The following TAB2 variants were observed in gnomAD, a reference collection of about 807,000 sequenced individuals.
TAB2 encodes the protein TGF-beta activated kinase 1 (MAP3K7) binding protein 2, also known as TGF-beta-activated kinase 1 and MAP3K7-binding protein 2.
A neutral mutation model predicts 65.0 loss-of-function variants in TAB2; 3 were observed. The observed-to-expected ratio is 0.05, with a 90% CI of 0.02 to 0.12. TAB2 has a LOEUF of 0.12. TAB2 is among the 10% of genes least tolerant of loss of function. TAB2 has a pLI of 1.00. For missense variants in TAB2, 623 were observed against 840.3 expected, an observed-to-expected ratio of 0.74 and a Z score of 3.20; for synonymous variants, 298 against 285.1, an observed-to-expected ratio of 1.05 and a Z score of -0.46.
chr6:149,229,806 T>A (rs898826252), intron 1 of TAB2: 13 of 152,222 alleles, frequency 8.5e-5, no homozygotes, highest in Non-Finnish European at 1.8e-4. Flanking sequence ...TTGACTCCAA[T>A]GGTGCCCTTG....
intron 1 of TAB2, among the ~76,000 whole-genome samples, chr6:149,323,229 A>G (rs563151932): frequency 4.6e-5 from 7 of 152,266 alleles, no homozygotes; most frequent in Non-Finnish European, 8.8e-5. Context: ...CTTAAATGCT[A>G]TTTTGTGAAT....
intron 1 of TAB2, among the ~76,000 whole-genome samples, chr6:149,262,572 G>A (rs1336293668): frequency 6.6e-6 from 1 of 151,846 alleles, no homozygotes; most frequent in East Asian, 1.9e-4. Context: ...GTTGTCACCT[G>A]GCAAAATAAA....
intron 3 of TAB2, among the ~76,000 whole-genome samples, chr6:149,384,824 A>T (rs1375054664): frequency 6.6e-6 from 1 of 152,194 alleles, no homozygotes; most frequent in African/African-American, 2.4e-5. Context: ...GGTGGAGAGA[A>T]AAAGGCCTAC....
intron 4 of TAB2, 22 bp from the exon 5 acceptor site, chr6:149,397,947 C>CTAT (rs1782231921): frequency 6.2e-7 from 1 of 1,607,108 alleles, no homozygotes; most frequent in African/African-American, 1.3e-5. Flanking sequence ...GCAAATCTTA[C>CTAT]TTACATAGAA....
intron 1 of TAB2, among the ~76,000 whole-genome samples, chr6:149,232,803 G>C (rs896823165): frequency 3.3e-5 from 5 of 152,180 alleles, no homozygotes; most frequent in African/African-American, 1.2e-4. Flanking sequence ...GCTTGGAGAA[G>C]TAGGCTCCAA....
intron 2 of TAB2, among the ~76,000 whole-genome samples, chr6:149,377,212 AGGC>A (rs1781432002): frequency 6.6e-6 from 1 of 151,408 alleles, no homozygotes; most frequent in Non-Finnish European, 1.5e-5. Flanking sequence ...CTGGGACTAC[AGGC>A]GCCCGCCACC....
At chr6:149,382,611 T>A (rs1274575378) in intron 3 of TAB2, among the ~76,000 whole-genome samples, 1 of 151,514 alleles carries the variant, frequency 6.6e-6, no homozygotes, top group African/African-American at 2.4e-5. Flanking sequence ...AAAAAAAAAA[T>A]TCTAACTAGG....
chr6:149,237,103 A>T (rs1777509547), intron 1 of TAB2, among the ~76,000 whole-genome samples: 1 of 152,208 alleles, frequency 6.6e-6, no homozygotes, highest in South Asian at 2.1e-4. Context: ...GAGCATAAAG[A>T]ATTCCTTGGA....
chr6:149,396,041 G>A (rs1020225252), intron 3 of TAB2, among the ~76,000 whole-genome samples: 2 of 151,730 alleles, frequency 1.3e-5, no homozygotes, highest in African/African-American at 4.8e-5. Flanking sequence ...CCCCCGAGTT[G>A]GAGTCTCACT....
intron 2 of TAB2, among the ~76,000 whole-genome samples, chr6:149,374,499 G>T (rs184219942): frequency 1.3e-5 from 2 of 152,314 alleles, no homozygotes; most frequent in African/African-American, 4.8e-5. Context: ...TGGGATTACA[G>T]GGGTGAGCCA....
chr6:149,234,000 T>C (rs1777451054), intron 1 of TAB2, among the ~76,000 whole-genome samples: 1 of 152,232 alleles, frequency 6.6e-6, no homozygotes, highest in African/African-American at 2.4e-5. Flanking sequence ...TCCTATGAAG[T>C]TCCAACAGTA....
chr6:149,407,725 A>G (rs573614017), intron 6 of TAB2, among the ~76,000 whole-genome samples: 1 of 152,118 alleles, frequency 6.6e-6, no homozygotes, highest in South Asian at 2.1e-4. Context: ...TTTGTGATCT[A>G]ATTTCCTCTT....
At position 149,335,571 on chromosome 6, in the gene TAB2, G is replaced by A. The variant is rs571577164; in HGVS notation, c.-90+17556G>A. ...TAACTTTTTGTAGAGGCAGGGTTTT[G>A]CTGTATTGCACAGGCTAGTCTCAAA... On this transcript the variant is annotated intron_variant, in intron 1 of 6. Coordinates refer to ENST00000637181, the MANE Select transcript of TAB2 (RefSeq NM_001292034.3). Among the ~76,000 whole-genome samples the A allele has an allele frequency of 3.4e-3, 510 of 151,972 alleles. 2 individuals carry two copies. Among genetic ancestry groups the A allele is most frequent in the African/African-American group, 0.012 (484 of 41,448 alleles).
intron 1 of TAB2, among the ~76,000 whole-genome samples, chr6:149,306,574 C>CAAA (rs1188296574): frequency 4.9e-4 from 66 of 133,814 alleles, no homozygotes; most frequent in African/African-American, 1.9e-3. Context: ...AAAAAAAAAA[C>CAAA]AAAAAACAAA....
intron 3 of TAB2, 23 bp from the exon 4 acceptor site, chr6:149,397,581 A>G: frequency 6.2e-7 from 1 of 1,613,668 alleles, no homozygotes; most frequent in Non-Finnish European, 8.5e-7. Context: ...GTGGGTCCTC[A>G]TGTTTACTAA....
At chr6:149,222,468 A>C (rs1777168813) in intron 1 of TAB2, among the ~76,000 whole-genome samples, 1 of 151,964 alleles carries the variant, frequency 6.6e-6, no homozygotes, top group Non-Finnish European at 1.5e-5. Flanking sequence ...AAATATAAAA[A>C]TTAGCGAGGC....
At chr6:149,404,187 T>C (rs1436625931) in intron 6 of TAB2, among the ~76,000 whole-genome samples, 1 of 151,894 alleles carries the variant, frequency 6.6e-6, no homozygotes, top group South Asian at 2.1e-4. Context: ...CAAGGAACTA[T>C]CAAAAAAGGA....
intron 3 of TAB2, among the ~76,000 whole-genome samples, chr6:149,388,238 T>C (rs1284662229): frequency 6.6e-6 from 1 of 152,222 alleles, no homozygotes; most frequent in Admixed American, 6.5e-5. Flanking sequence ...TCCATCTCTG[T>C]GCTTCCATGA....
intron 1 of TAB2, among the ~76,000 whole-genome samples, chr6:149,337,329 A>T (rs1779965852): frequency 6.6e-6 from 1 of 152,134 alleles, no homozygotes; most frequent in South Asian, 2.1e-4. Flanking sequence ...TTATAATCCT[A>T]GATATTGTAT....
Sources: allele counts gnomAD v4.1 joint callset (sites outside exome capture counted in the v4.1 genomes callset), GRCh38; gene constraint gnomAD v4.1.1; transcripts MANE v1.5; gene names NCBI Gene and HGNC (gene_info 2026-07-23, HGNC 2026-07-21).